NLRP4: variants seen among roughly 807,000 people sequenced by gnomAD.
The protein encoded by NLRP4 is NACHT, LRR and PYD domains-containing protein 4.
In NLRP4, 44 loss-of-function variants were observed where a neutral mutation model predicts 84.7. The ratio of observed to expected loss-of-function variants is 0.52; its 90% confidence interval spans 0.41 to 0.67. NLRP4 has a LOEUF of 0.67. Among genes scored for constraint, NLRP4 ranks in the 30% least tolerant of loss-of-function variants. The pLI, the probability that NLRP4 is intolerant of heterozygous loss-of-function variation, is 0.00. For missense variants in NLRP4, 1,260 were observed against 1,219.4 expected (o/e 1.03, Z -0.50); for synonymous variants, 544 against 476.4 (o/e 1.14, Z -1.85).
At chr19:55,870,699 C>A (rs777897536) in intron 6 of NLRP4, 128 bp from the exon 7 acceptor site, 5 of 660,630 alleles carry the variant, frequency 7.6e-6, no homozygotes, top group Non-Finnish European at 1.3e-5. Context: ...TTCAGATAAT[C>A]CAGAACTTCA....
rs998219867 is a variant in NLRP4, at chr19:55,857,972, G to A, written c.579G>A (p.Leu193=). 2 of 1,614,024 alleles carry A rather than the reference G, an allele frequency of 1.2e-6. No homozygotes were observed. The highest frequency in any genetic ancestry group is 1.7e-6 in the Non-Finnish European group (2 of 1,180,014). The change falls in exon 3 of 10, where the codon CTG becomes CTA. Residue 193 remains leucine (L), a synonymous_variant. Transcript: ENST00000301295. ...CGTTCTATTTCTGCTGCAGAGAACT[G>A]AGGGAGTTGCCGCCAACGAGTTTGG... ...LYTFYFCCRE[L]RELPPTSLAD...
intron 8 of NLRP4, 85 bp downstream of exon 8, chr19:55,877,251 C>A: frequency 8.0e-7 from 1 of 1,248,356 alleles, no homozygotes; most frequent in Non-Finnish European, 1.2e-6. Flanking sequence ...ATGAAAACTC[C>A]AACAGGACCA....
intron 5 of NLRP4, 142 bp downstream of exon 5, chr19:55,862,301 A>C: frequency 2.5e-6 from 1 of 395,288 alleles, no homozygotes; most frequent in Non-Finnish European, 4.3e-6. Flanking sequence ...ATTGGGTTTC[A>C]GAGAAGACTA....
chr19:55,871,329 C>G (rs149224565), intron 7 of NLRP4, among the ~76,000 whole-genome samples: 1 of 152,212 alleles, frequency 6.6e-6, no homozygotes, highest in African/African-American at 2.4e-5. Context: ...TGCACTTCAT[C>G]AGGTGCAAAA....
At chr19:55,875,152 A>C (rs894223153) in intron 7 of NLRP4, among the ~76,000 whole-genome samples, 1 of 152,238 alleles carries the variant, frequency 6.6e-6, no homozygotes, top group Non-Finnish European at 1.5e-5. Context: ...GATGAGAGAA[A>C]AGCTTTCTCT....
chr19:55,871,945 G>A (rs1438764962), intron 7 of NLRP4, among the ~76,000 whole-genome samples: 1 of 151,778 alleles, frequency 6.6e-6, no homozygotes, highest in Non-Finnish European at 1.5e-5. Flanking sequence ...TGCCTCCCGG[G>A]TTCACGCCAT....
At position 55,858,624 on chromosome 19, in the gene NLRP4, A is replaced by G; in HGVS notation, c.1231A>G (p.Thr411Ala). Residue 411 changes from threonine to alanine, a missense_variant, in exon 3 of 10, where the codon ACA becomes GCA. Transcript: ENST00000301295. The surrounding 1 kb of genome is among the most constrained non-coding windows in gnomAD (Gnocchi z 4.2). Reference protein sequence around the residue: ...SLAAEGMWTDTFEFCEDDLRR... With the variant: ...SLAAEGMWTDAFEFCEDDLRR... ...GGCTGCAGAGGGTATGTGGACAGAC[A>G]CATTTGAGTTTTGTGAAGACGACCT... 6.2e-7 allele frequency: 1 copy of G among 1,614,158 alleles called. No individual in the cohort carries two copies. The highest frequency in any genetic ancestry group is 8.5e-7 in the Non-Finnish European group (1 of 1,180,022).
intron 1 of NLRP4, among the ~76,000 whole-genome samples, chr19:55,849,956 T>C (rs5028351): frequency 0.056 from 6,052 of 108,336 alleles, 781 homozygotes; most frequent in Non-Finnish European, 0.065. Flanking sequence ...TTTCCGAGAC[T>C]GCGGTGTAAT....
At chr19:55,861,612 C>A in intron 4 of NLRP4, 65 bp downstream of exon 4, 1 of 1,470,048 alleles carries the variant, frequency 6.8e-7, no homozygotes, top group Non-Finnish European at 9.4e-7. Context: ...TCACCTCTAG[C>A]TTTCAGTCGA....
At chr19:55,846,914 CT>C (rs1184557013) in intron 1 of NLRP4, among the ~76,000 whole-genome samples, 6 of 152,044 alleles carry the variant, frequency 3.9e-5, no homozygotes, top group African/African-American at 1.4e-4. Flanking sequence ...ATAATTTTCC[CT>C]AATTTTTGTG....
chr19:55,870,362 A>G (rs1985127021), intron 6 of NLRP4, among the ~76,000 whole-genome samples: 1 of 152,186 alleles, frequency 6.6e-6, no homozygotes, highest in African/African-American at 2.4e-5. Context: ...CTATCATGCA[A>G]CTAAGAAGAA....
At position 55,850,013 on chromosome 19, in the gene NLRP4, GA is replaced by G. The variant is rs1471122061; in HGVS notation, c.-65-2002del. The stretch of plus-strand genomic sequence containing the variant: ...TCCGAGACTGCGGTGTGATTTCCGA[GA>G]CTGCGGTGTGATTTCCGAGACTGCG... On this transcript the variant is annotated intron_variant, in intron 1 of 9. Transcript: ENST00000301295. Among the ~76,000 whole-genome samples the G allele has an allele frequency of 9.0e-4, 102 of 113,108 alleles. 2 individuals are homozygous for G. The highest frequency in any genetic ancestry group is 3.9e-3 in the East Asian group (16 of 4,142). 74.2% of individuals were successfully genotyped at this position (113,108 alleles called of 152,430 possible).
chr19:55,852,619 G>A (rs1298823272), intron 2 of NLRP4, among the ~76,000 whole-genome samples: 2 of 151,958 alleles, frequency 1.3e-5, no homozygotes, highest in African/African-American at 2.4e-5. Flanking sequence ...TGGAATTACA[G>A]GCGCCTGCCA....
At chr19:55,878,741 T>C in intron 8 of NLRP4, 53 bp from the exon 9 acceptor site, 1 of 1,525,820 alleles carries the variant, frequency 6.6e-7, no homozygotes, top group Non-Finnish European at 8.9e-7. Flanking sequence ...CATCCCATCC[T>C]ACCTCCACCC....
chr19:55,858,020 G>T lies in NLRP4; in HGVS notation c.627G>T (p.Trp209Cys). Residue 209 changes from tryptophan to cysteine, a missense_variant, in exon 3 of 10, where the codon TGG becomes TGT. Physicochemically the swap from Trp to Cys is radical, Grantham distance 215. Around this residue, in one of 3 missense-constraint regions of NLRP4, gnomAD observed 712 missense variants for 669.2 expected, o/e 1.06. Coordinates refer to ENST00000301295, the MANE Select transcript of NLRP4 (RefSeq NM_134444.5). This position sits in a 1 kb window ranked among gnomAD's most constrained non-coding sequence, Gnocchi z 4.2. ...TGGCTGACTTGATTTCCAGAGAGTG[G>T]CCTGACCCCGCTGCTCCTATAACAG... ...TSLADLISRE[W>C]PDPAAPITEI... is the part of the protein sequence containing the mutation. The T allele has an allele frequency of 6.2e-7, 1 of 1,614,186 alleles. No individual in the cohort carries two copies. Among genetic ancestry groups the T allele is most frequent in the Non-Finnish European group, 8.5e-7 (1 of 1,180,034 alleles).
Position 55,858,113 on chromosome 19 carries a change from G to C in NLRP4, c.720G>C (p.Leu240Phe), listed in dbSNP as rs745985085. ...IDSFEELQGG[L>F]NEPDSDLCGD... ...GCTTCGAAGAGCTGCAGGGCGGCTT[G>C]AACGAACCCGATTCGGATCTGTGTG... is the stretch of plus-strand genomic sequence containing the variant. The change falls in exon 3 of 10, where the codon TTG (leucine) becomes TTC (phenylalanine). Residue 240 changes from leucine to phenylalanine, a missense_variant. By Grantham distance (22) the Leu-to-Phe change is conservative (BLOSUM62 0). Around this residue, in one of 3 missense-constraint regions of NLRP4, gnomAD observed 712 missense variants for 669.2 expected, o/e 1.06. Coordinates refer to ENST00000301295, the MANE Select transcript of NLRP4 (RefSeq NM_134444.5). The surrounding 1 kb of genome is among the most constrained non-coding windows in gnomAD (Gnocchi z 4.2). The C allele has an allele frequency of 1.9e-6, 3 of 1,614,052 alleles. No individual in the cohort carries two copies. In the African/African-American group the frequency reaches 4.0e-5, roughly 22 times the overall value.
chr19:55,850,004 G>GATTTCCGAGACTGCGGTGTA (rs1983989261), intron 1 of NLRP4, among the ~76,000 whole-genome samples: 1 of 28,288 alleles, frequency 3.5e-5, no homozygotes, highest in Admixed American at 6.1e-4. Flanking sequence ...ACTGCGGTGT[G>GATTTCCGAGACTGCGGTGTA]ATTTCCGAGA....
rs757542542 is a variant in NLRP4 at position 55,861,978 on chromosome 19, C to G, written c.2019-14C>G. The stretch of plus-strand genomic sequence containing the variant: ...TTAGATGAAACTCATCCAAAATTTT[C>G]TTTGTTTTTGCAGAATAAATAACGT... On this transcript the variant is annotated splice_polypyrimidine_tract_variant and intron_variant, in intron 4 of 9. Transcript: ENST00000301295. The G allele has an allele frequency of 6.2e-7, 1 of 1,607,944 alleles. No homozygotes were observed. The highest frequency in any genetic ancestry group is 1.1e-5 in the South Asian group (1 of 90,874).
At chr19:55,868,464 A>T (rs1008630804) in intron 6 of NLRP4, among the ~76,000 whole-genome samples, 1 of 152,112 alleles carries the variant, frequency 6.6e-6, no homozygotes, top group African/African-American at 2.4e-5. Flanking sequence ...ATACTTATAC[A>T]AAAGGGGAGA....
Sources: allele counts gnomAD v4.1 joint callset (sites outside exome capture counted in the v4.1 genomes callset), GRCh38; gene constraint gnomAD v4.1.1; regional missense constraint gnomAD v4.1.1; non-coding constraint Gnocchi (gnomAD v3.1); transcripts MANE v1.5; gene names NCBI Gene and HGNC (gene_info 2026-07-23, HGNC 2026-07-21).